The following HDAC9 variants were observed in gnomAD, a reference collection of about 807,000 sequenced individuals.
The protein encoded by HDAC9 is MEF-2 interacting transcription repressor (MITR) protein.
Under a neutral mutation model 139.4 loss-of-function variants are expected in HDAC9, and 41 were observed. The observed-to-expected ratio is 0.29, with a 90% CI of 0.23 to 0.38. The LOEUF (loss-of-function observed/expected upper bound fraction) is 0.38. Ranked by LOEUF, HDAC9 falls within the 10% of genes least tolerant of loss-of-function variation. HDAC9 has a pLI of 1.00. For missense variants in HDAC9, 1,147 were observed against 1,297.0 expected (o/e 0.88, Z 1.78); for synonymous variants, 517 against 476.2 (o/e 1.09, Z -1.12).
intron 2 of HDAC9, among the ~76,000 whole-genome samples, chr7:18,536,538 A>T (rs1326757623): frequency 1.3e-5 from 2 of 152,228 alleles, no homozygotes; most frequent in Admixed American, 1.3e-4. Flanking sequence ...ATTCAGTTAC[A>T]TTCAATATAT....
intron 1 of HDAC9, among the ~76,000 whole-genome samples, chr7:18,155,865 G>A (rs1451618132): frequency 1.3e-5 from 2 of 152,156 alleles, no homozygotes; most frequent in African/African-American, 4.8e-5. Flanking sequence ...TTGCCAGCAT[G>A]TTTGGTGAAT....
chr7:18,480,909 CA>C (rs1795497956), intron 1 of HDAC9, among the ~76,000 whole-genome samples: 1 of 152,118 alleles, frequency 6.6e-6, no homozygotes, highest in Non-Finnish European at 1.5e-5. Flanking sequence ...TATCTGCATC[CA>C]GTGAGTTGCT....
At chr7:18,556,642 GA>G (rs1298162217) in intron 2 of HDAC9, among the ~76,000 whole-genome samples, 1 of 151,918 alleles carries the variant, frequency 6.6e-6, no homozygotes, top group South Asian at 2.1e-4. Context: ...GCCACATATG[GA>G]AAAATGTTCC....
At chr7:18,112,512 A>G (rs1054881435) in intron 1 of HDAC9, among the ~76,000 whole-genome samples, 1 of 152,236 alleles carries the variant, frequency 6.6e-6, no homozygotes, top group African/African-American at 2.4e-5. Context: ...TCCGATATAC[A>G]CAGTCATTGT....
intron 25 of HDAC9, among the ~76,000 whole-genome samples, chr7:18,987,633 G>T (rs1288516023): frequency 2.0e-5 from 3 of 152,162 alleles, no homozygotes; most frequent in African/African-American, 4.8e-5. Flanking sequence ...CATAGTTTCA[G>T]AAGGAATGGT....
At chr7:18,087,479 C>A (rs1170856749) in intron 1 of HDAC9, among the ~76,000 whole-genome samples, 1 of 152,144 alleles carries the variant, frequency 6.6e-6, no homozygotes, top group Admixed American at 6.5e-5. Context: ...CTGAGGCGAG[C>A]GGTCGGTGGC....
chr7:18,963,558 A>G (rs547120828), intron 24 of HDAC9, among the ~76,000 whole-genome samples: 1 of 152,328 alleles, frequency 6.6e-6, no homozygotes, highest in East Asian at 1.9e-4. Context: ...GGAGTTAAAA[A>G]TGGAGAAGGA....
chr7:18,125,418 CACAT>C (rs988185602), intron 1 of HDAC9, among the ~76,000 whole-genome samples: 3 of 134,800 alleles, frequency 2.2e-5, no homozygotes, highest in African/African-American at 8.1e-5. Flanking sequence ...TATACACTAA[CACAT>C]ATATATATGC....
chr7:18,706,361 AG>A (rs1783919888), intron 12 of HDAC9, among the ~76,000 whole-genome samples: 1 of 152,140 alleles, frequency 6.6e-6, no homozygotes, highest in African/African-American at 2.4e-5. Context: ...CCATGGATCA[AG>A]GAAATTTGTT....
intron 2 of HDAC9, among the ~76,000 whole-genome samples, chr7:18,190,766 C>T (rs1790293297): frequency 6.6e-6 from 1 of 152,124 alleles, no homozygotes; most frequent in Admixed American, 6.6e-5. Context: ...CTTTTAAAAT[C>T]ACTTGTATCA....
chr7:18,352,328 G>C (rs1460734649), intron 1 of HDAC9, among the ~76,000 whole-genome samples: 1 of 152,176 alleles, frequency 6.6e-6, no homozygotes, highest in Non-Finnish European at 1.5e-5. Context: ...TAGAAGAGCT[G>C]AGACAATATA....
intron 2 of HDAC9, among the ~76,000 whole-genome samples, chr7:18,266,888 T>C (rs1432988455): frequency 6.6e-6 from 1 of 152,160 alleles, no homozygotes; most frequent in Non-Finnish European, 1.5e-5. Context: ...GCTTTATTTA[T>C]ATTTATGATG....
intron 16 of HDAC9, among the ~76,000 whole-genome samples, chr7:18,777,585 G>A (rs1424140849): frequency 6.6e-6 from 1 of 151,482 alleles, no homozygotes; most frequent in African/African-American, 2.4e-5. Flanking sequence ...TGAATTCCAG[G>A]GTATTTTTAC....
At chr7:18,840,269 A>G (rs1240847857) in intron 21 of HDAC9, among the ~76,000 whole-genome samples, 1 of 152,014 alleles carries the variant, frequency 6.6e-6, no homozygotes, top group African/African-American at 2.4e-5. Context: ...TTTAAATATC[A>G]TCTTTTCATG....
At chr7:18,791,786 C>A (rs1301516152) in intron 16 of HDAC9, among the ~76,000 whole-genome samples, 10 of 152,120 alleles carry the variant, frequency 6.6e-5, no homozygotes, top group Non-Finnish European at 1.2e-4. Flanking sequence ...CTACTATGTG[C>A]CAGGCTTTAC....
rs1453785435 is a variant in HDAC9 at position 18,874,601 on chromosome 7, G to T, written c.2803+5G>T. ...GGTACAAAGTGACGGCAAAATGTAA[G>T]TACCTCTTTCAGGACTTTACGAAAG... On this transcript the variant is annotated splice_donor_5th_base_variant and intron_variant, in intron 22 of 25. Transcript: ENST00000686413. 1 of 1,523,696 alleles carries T rather than the reference G, an allele frequency of 6.6e-7. No homozygotes were observed. The highest frequency in any genetic ancestry group is 9.0e-7 in the Non-Finnish European group (1 of 1,111,960). 94.4% of individuals were successfully genotyped at this position (1,523,696 alleles called of 1,614,324 possible). A position where few individuals can be genotyped will look rare whatever the true frequency, so the allele number is the denominator to read the frequency against.
At chr7:18,176,324 G>A (rs916959182) in intron 2 of HDAC9, among the ~76,000 whole-genome samples, 1 of 152,130 alleles carries the variant, frequency 6.6e-6, no homozygotes, top group Non-Finnish European at 1.5e-5. Flanking sequence ...AAGCCAGACT[G>A]TTATCTTGAA....
intron 1 of HDAC9, among the ~76,000 whole-genome samples, chr7:18,138,525 GAGGTGTGTGTGT>G (rs1785624429): frequency 8.4e-6 from 1 of 118,810 alleles, no homozygotes; most frequent in African/African-American, 3.0e-5. Flanking sequence ...GAGAGAGAGA[GAGGTGTGTGTGT>G]GTGTGTGTGT....
chr7:18,591,462 T>TTTCTG, intron 4 of HDAC9, 54 bp from the exon 5 acceptor site: 1 of 1,491,922 alleles, frequency 6.7e-7, no homozygotes. Flanking sequence ...TCAACATCTG[T>TTTCTG]TTCTGTGTGT....
Sources: allele counts gnomAD v4.1 joint callset (sites outside exome capture counted in the v4.1 genomes callset), GRCh38; gene constraint gnomAD v4.1.1; transcripts MANE v1.5; gene names NCBI Gene and HGNC (gene_info 2026-07-23, HGNC 2026-07-21).